Variants in PTPN2 observed in about 807,000 individuals in gnomAD.
PTPN2 encodes tyrosine-protein phosphatase non-receptor type 2.
A neutral mutation model predicts 57.3 loss-of-function variants in PTPN2; 19 were observed. That is an observed-to-expected ratio of 0.33 (90% confidence interval 0.23 to 0.49). The LOEUF is 0.49. Ranked by LOEUF, PTPN2 falls within the 20% of genes least tolerant of loss-of-function variation. The probability of loss-of-function intolerance (pLI) is 0.99; values close to 1 mark genes in which losing one functional copy is unlikely to be tolerated. For missense variants in PTPN2, 358 were observed against 501.1 expected (o/e 0.71, Z 2.73); for synonymous variants, 153 against 164.9 (o/e 0.93, Z 0.55).
At chr18:12,811,669 C>T (rs932887520) in intron 7 of PTPN2, among the ~76,000 whole-genome samples, 3 of 152,190 alleles carry the variant, frequency 2.0e-5, no homozygotes, top group Admixed American at 6.5e-5. Context: ...TATATAGGTT[C>T]AGCAAACTCA....
At chr18:12,807,325 G>A (rs1476707744) in intron 7 of PTPN2, among the ~76,000 whole-genome samples, 1 of 151,754 alleles carries the variant, frequency 6.6e-6, no homozygotes, top group Non-Finnish European at 1.5e-5. Context: ...CTTGTACACG[G>A]CTGGTGGAAT....
chr18:12,807,613 AC>A (rs2041730646), intron 7 of PTPN2, among the ~76,000 whole-genome samples: 2 of 122,536 alleles, frequency 1.6e-5, no homozygotes, highest in African/African-American at 5.7e-5. Context: ...ATAATATAAT[AC>A]TATTTGGCCA....
At chr18:12,881,684 G>A (rs1248265801) in intron 1 of PTPN2, among the ~76,000 whole-genome samples, 1 of 152,144 alleles carries the variant, frequency 6.6e-6, no homozygotes, top group Non-Finnish European at 1.5e-5. Flanking sequence ...CCTGGCCAAT[G>A]TCTTTCAAGA....
At chr18:12,812,032 T>C (rs1445988481) in intron 7 of PTPN2, among the ~76,000 whole-genome samples, 1 of 152,206 alleles carries the variant, frequency 6.6e-6, no homozygotes, top group Non-Finnish European at 1.5e-5. Context: ...TTATTAGTAA[T>C]ATCAAATTAC....
chr18:12,802,753 C>T (rs1344312774), intron 7 of PTPN2, among the ~76,000 whole-genome samples: 3 of 152,168 alleles, frequency 2.0e-5, no homozygotes, highest in African/African-American at 4.8e-5. Context: ...ATAACAACTA[C>T]TAGCAAAGCT....
At chr18:12,809,489 T>C (rs1598758158) in intron 7 of PTPN2, among the ~76,000 whole-genome samples, 2 of 152,330 alleles carry the variant, frequency 1.3e-5, no homozygotes, top group South Asian at 4.1e-4. Context: ...TCCCCATCTA[T>C]GTATCTGCCA....
intron 1 of PTPN2, among the ~76,000 whole-genome samples, chr18:12,881,820 A>C (rs1357795885): frequency 6.6e-6 from 1 of 152,208 alleles, no homozygotes; most frequent in East Asian, 1.9e-4. Flanking sequence ...CTAGCTTTAC[A>C]TGTATCACTT....
In PTPN2 at chr18:12,792,261, T is replaced by C; in HGVS notation, c.*2017A>G. 1 of 895,538 alleles carries C rather than the reference T, an allele frequency of 1.1e-6. No individual in the cohort carries two copies. The highest frequency in any genetic ancestry group is 1.2e-4 in the East Asian group (1 of 8,452). The allele number at this position is 895,538 out of a possible 1,614,324, so 55.5% of individuals were successfully genotyped here. A position where few individuals can be genotyped will look rare whatever the true frequency, so the allele number is the denominator to read the frequency against. ...TATGCAAATCAATTCAAAATATCTATCTATACCAATGGTTTTCAAACTTTT... is the reference window on the plus strand; with the variant it reads ...TATGCAAATCAATTCAAAATATCTACCTATACCAATGGTTTTCAAACTTTT... On this transcript the variant is annotated 3_prime_UTR_variant, in exon 9 of 9. Transcript: ENST00000309660.
At chr18:12,869,144 T>C (rs987333973) in intron 1 of PTPN2, 5 of 152,066 alleles carry the variant, frequency 3.3e-5, no homozygotes, top group Non-Finnish European at 5.9e-5. Context: ...AGAGACGCCG[T>C]CTCAAAAAAA....
At position 12,793,062 on chromosome 18, in the gene PTPN2, CCAT is replaced by C; in HGVS notation, c.*1213_*1215del. ...AAACCACTGAAATAAGGTATGCTAT[CCAT>C]AATAATGTATGCTATCCATGCCTCC... On this transcript the variant is annotated 3_prime_UTR_variant, in exon 9 of 9. Coordinates refer to ENST00000309660, the MANE Select transcript of PTPN2 (RefSeq NM_002828.4). The C allele has an allele frequency of 1.0e-6, 1 of 985,336 alleles. No homozygotes were observed. 61.0% of individuals were successfully genotyped at this position (985,336 alleles called of 1,614,324 possible).
At chr18:12,791,097 T>C (rs1568070529), downstream of PTPN2, among the ~76,000 whole-genome samples, 1 of 152,248 alleles carries the variant, frequency 6.6e-6, no homozygotes, top group Non-Finnish European at 1.5e-5. Flanking sequence ...TGGAGAATTA[T>C]ATTTTTACAT....
At chr18:12,836,935 ACT>A (rs1236399478) in intron 2 of PTPN2, 44 bp from the exon 3 acceptor site, 1 of 1,216,668 alleles carries the variant, frequency 8.2e-7, no homozygotes, top group Non-Finnish European at 1.2e-6. Flanking sequence ...TTTCAAAATT[ACT>A]GTTTTTATCT....
intron 1 of PTPN2, chr18:12,862,879 GATTA>G (rs1336685039): frequency 2.1e-5 from 3 of 145,958 alleles, no homozygotes; most frequent in African/African-American, 7.5e-5. Flanking sequence ...ATCAGCTATT[GATTA>G]ATTTTCTTTC....
chr18:12,799,540 T>C (rs966785757), intron 8 of PTPN2, among the ~76,000 whole-genome samples: 1 of 152,108 alleles, frequency 6.6e-6, no homozygotes, highest in Non-Finnish European at 1.5e-5. Context: ...AATAAAACTG[T>C]TCAGAGTAAC....
At chr18:12,805,524 T>C (rs1203931600) in intron 7 of PTPN2, among the ~76,000 whole-genome samples, 1 of 152,104 alleles carries the variant, frequency 6.6e-6, no homozygotes, top group African/African-American at 2.4e-5. Context: ...TGGAGGAAAT[T>C]GTGCCTCAAC....
At chr18:12,833,244 G>A (rs143304192) in intron 3 of PTPN2, among the ~76,000 whole-genome samples, 1 of 152,278 alleles carries the variant, frequency 6.6e-6, no homozygotes, top group East Asian at 1.9e-4. Context: ...AGAAAAAGAT[G>A]ACTGAAGTAA....
intron 7 of PTPN2, among the ~76,000 whole-genome samples, 159 bp downstream of exon 7, chr18:12,814,044 C>T (rs1044650021): frequency 1.3e-5 from 2 of 152,182 alleles, no homozygotes; most frequent in Non-Finnish European, 2.9e-5. Flanking sequence ...TATGAGGAAG[C>T]TAGCTAAAAT....
Position 12,802,110 on chromosome 18 carries a change from G to A in PTPN2, c.900C>T (p.Ala300=). The change falls in exon 8 of 9, where the codon GCC becomes GCT. Residue 300 remains alanine (A), a synonymous_variant. Transcript: ENST00000309660. ...KELSKEDLSP[A]FDHSPNKIMT... Reference sequence around the variant, plus strand: ...TTATTTTGTTTGGTGAATGATCAAAGGCAGGAGATAAGTCTTCCTTAGAAA... The same window carrying A: ...TTATTTTGTTTGGTGAATGATCAAAAGCAGGAGATAAGTCTTCCTTAGAAA... The A allele has an allele frequency of 1.2e-6, 2 of 1,611,760 alleles. No homozygotes were observed. The highest frequency in any genetic ancestry group is 1.7e-6 in the Non-Finnish European group (2 of 1,178,884).
intron 1 of PTPN2, among the ~76,000 whole-genome samples, chr18:12,876,781 T>G (rs1237191362): frequency 1.3e-5 from 2 of 152,118 alleles, no homozygotes; most frequent in African/African-American, 4.8e-5. Flanking sequence ...AATTTAGCAG[T>G]TTCAGGAGAT....
Sources: allele counts gnomAD v4.1 joint callset (sites outside exome capture counted in the v4.1 genomes callset), GRCh38; gene constraint gnomAD v4.1.1; transcripts MANE v1.5; gene names NCBI Gene and HGNC (gene_info 2026-07-23, HGNC 2026-07-21).